The following MGAM2 variants were observed in gnomAD, a reference collection of about 807,000 sequenced individuals.
The protein encoded by MGAM2 is probable maltase-glucoamylase 2.
Under a neutral mutation model 96.1 loss-of-function variants are expected in MGAM2, and 98 were observed. That is an observed-to-expected ratio of 1.02 (90% CI 0.87 to 1.21). MGAM2 has a LOEUF of 1.21. MGAM2 is among the 50% of genes most tolerant of loss of function. The probability of loss-of-function intolerance (pLI) is 0.00; values close to 1 mark genes in which losing one functional copy is unlikely to be tolerated. For missense variants in MGAM2, 2,055 were observed against 1,182.4 expected (o/e 1.74, Z -10.82); for synonymous variants, 749 against 414.8 (o/e 1.81, Z -9.79).
intron 46 of MGAM2, among the ~76,000 whole-genome samples, chr7:142,217,262 A>G (rs1403220523): frequency 6.6e-6 from 1 of 152,154 alleles, no homozygotes; most frequent in East Asian, 1.9e-4. Context: ...TTTCTTGCAC[A>G]CTGTCCTCAG....
chr7:142,158,722 G>A (rs915339407), intron 19 of MGAM2, among the ~76,000 whole-genome samples: 1 of 152,168 alleles, frequency 6.6e-6, no homozygotes, highest in African/African-American at 2.4e-5. Context: ...AGAAAAGGGA[G>A]GGAGAGAGGA....
intron 6 of MGAM2, among the ~76,000 whole-genome samples, chr7:142,132,499 T>A (rs1339425848): frequency 1.5e-5 from 2 of 137,748 alleles, no homozygotes; most frequent in South Asian, 2.1e-4. Flanking sequence ...TAAAATTAAA[T>A]TAAATTATAA....
chr7:142,195,370 TTTTG>T (rs1797001231), intron 37 of MGAM2, among the ~76,000 whole-genome samples: 1 of 144,818 alleles, frequency 6.9e-6, no homozygotes, highest in African/African-American at 2.6e-5. Context: ...TTTTTTTTTT[TTTTG>T]AGACAGAGTC....
chr7:142,161,845 G>A (rs1795896407), intron 22 of MGAM2, 110 bp from the exon 23 acceptor site: 1 of 525,150 alleles, frequency 1.9e-6, no homozygotes, highest in Non-Finnish European at 3.3e-6. Context: ...GAACTCAGAT[G>A]AGCAGAACTA....
intron 31 of MGAM2, among the ~76,000 whole-genome samples, chr7:142,174,701 TTCTC>T (rs981291215): frequency 1.4e-5 from 2 of 140,298 alleles, no homozygotes; most frequent in South Asian, 2.4e-4. Context: ...TGCCCTTTAT[TTCTC>T]TCTCTCTCTC....
At chr7:142,129,562 T>C (rs1283733545) in intron 3 of MGAM2, among the ~76,000 whole-genome samples, 3 of 151,972 alleles carry the variant, frequency 2.0e-5, no homozygotes, top group African/African-American at 7.2e-5. Flanking sequence ...CGGTGGCTCA[T>C]GCCTGTAATC....
chr7:142,142,530 T>G (rs898794883), intron 12 of MGAM2, among the ~76,000 whole-genome samples: 1 of 140,052 alleles, frequency 7.1e-6, no homozygotes, highest in Non-Finnish European at 1.6e-5. Context: ...GTGTGTTTTT[T>G]TTTTTTTTTT....
chr7:142,179,602 A>G (rs1796478191), intron 32 of MGAM2, among the ~76,000 whole-genome samples: 1 of 152,200 alleles, frequency 6.6e-6, no homozygotes, highest in African/African-American at 2.4e-5. Flanking sequence ...TTCTACATCT[A>G]TTGAAATTAT....
intron 3 of MGAM2, among the ~76,000 whole-genome samples, chr7:142,121,048 T>C (rs1794555016): frequency 6.6e-6 from 1 of 152,250 alleles, no homozygotes; most frequent in Non-Finnish European, 1.5e-5. Context: ...TCTTGAGATA[T>C]TAATTAGGAC....
At position 142,167,292 on chromosome 7, in the gene MGAM2, A is replaced by C. The variant is rs1471056265; in HGVS notation, c.2833A>C (p.Thr945Pro). The change falls in exon 26 of 48, where the codon ACC becomes CCC. Residue 945 changes from threonine (T) to proline (P), a missense_variant. Coordinates refer to ENST00000477922, the MANE Select transcript of MGAM2 (RefSeq NM_001293626.2). ...GGACACATCTACTCCTGGAGTGCCC[A>C]CCTGTTACTATGACACCATCCCTAA... ...WEDTSTPGVP[T>P]CYYDTIPNYV... The C allele has an allele frequency of 1.4e-6, 1 of 700,460 alleles. No individual in the cohort carries two copies. Among genetic ancestry groups the C allele is most frequent in the African/African-American group, 1.7e-5 (1 of 57,184 alleles). 43.4% of individuals were successfully genotyped at this position (700,460 alleles called of 1,614,324 possible).
Position 142,197,549 on chromosome 7 carries a change from G to C in MGAM2, c.4781+1G>C. Reference sequence around the variant, plus strand: ...CAGTTGTCCGGCCCCTTCTCCATGAGTGAGTACAGCCTCTTTCCCCAAGCA... The same window carrying C: ...CAGTTGTCCGGCCCCTTCTCCATGACTGAGTACAGCCTCTTTCCCCAAGCA... On this transcript the variant is annotated splice_donor_variant, in intron 41 of 47. Coordinates refer to ENST00000477922, the MANE Select transcript of MGAM2 (RefSeq NM_001293626.2). LOFTEE classifies it high-confidence loss of function. The C allele has an allele frequency of 1.4e-6, 1 of 703,192 alleles. No individual in the cohort carries two copies. The highest frequency in any genetic ancestry group is 2.6e-6 in the Non-Finnish European group (1 of 385,044). 43.6% of individuals were successfully genotyped at this position (703,192 alleles called of 1,614,324 possible). A position where few individuals can be genotyped will look rare whatever the true frequency, so the allele number is the denominator to read the frequency against.
At chr7:142,180,113 A>G (rs9640362) in intron 32 of MGAM2, among the ~76,000 whole-genome samples, 29,659 of 151,998 alleles carry the variant, frequency 0.2, 3,120 homozygotes, top group East Asian at 0.34. Flanking sequence ...GAATTTATTC[A>G]TTTCCTCTAG....
chr7:142,146,973 C>T (rs1221143815), intron 14 of MGAM2, among the ~76,000 whole-genome samples: 1 of 152,126 alleles, frequency 6.6e-6, no homozygotes, highest in African/African-American at 2.4e-5. Flanking sequence ...GGTGATCCAC[C>T]TGCCTCGGCC....
At chr7:142,151,964 T>A (rs1795592310) in intron 15 of MGAM2, among the ~76,000 whole-genome samples, 1 of 152,200 alleles carries the variant, frequency 6.6e-6, no homozygotes, top group African/African-American at 2.4e-5. Flanking sequence ...AATATTTGGC[T>A]CAACCTTAAA....
intron 1 of MGAM2, among the ~76,000 whole-genome samples, chr7:142,112,378 G>A (rs1354380517): frequency 7.2e-5 from 11 of 152,152 alleles, no homozygotes; most frequent in Admixed American, 7.2e-4. Context: ...GAGGAGCTGT[G>A]GAGTAGGTCC....
rs900831024 is a variant in MGAM2 at position 142,177,128 on chromosome 7, T to C, written c.3816+1348T>C. Among the ~76,000 whole-genome samples the C allele has an allele frequency of 5.3e-5, 8 of 152,316 alleles. No individual in the cohort carries two copies. In the East Asian group the frequency reaches 1.5e-3, roughly 29 times the overall value. ...TGTTTTCACGCTGCCAATAAAGACATACTTGAGATTGGGCAATTTACAAAA... is the reference window on the plus strand; with the variant it reads ...TGTTTTCACGCTGCCAATAAAGACACACTTGAGATTGGGCAATTTACAAAA... On this transcript the variant is annotated intron_variant, in intron 32 of 47. Coordinates refer to ENST00000477922, the MANE Select transcript of MGAM2 (RefSeq NM_001293626.2).
Position 142,220,992 on chromosome 7 carries a change from A to G in MGAM2, c.6481A>G (p.Ile2161Val). 1 of 702,310 alleles carries G rather than the reference A, an allele frequency of 1.4e-6. No homozygotes were observed. Among genetic ancestry groups the G allele is most frequent in the Non-Finnish European group, 2.6e-6 (1 of 384,740 alleles). 43.5% of individuals were successfully genotyped at this position (702,310 alleles called of 1,614,324 possible). A position where few individuals can be genotyped will look rare whatever the true frequency, so the allele number is the denominator to read the frequency against. ...NASTSTNVANITATSHTSTDD... is the reference protein window; with the variant it reads ...NASTSTNVANVTATSHTSTDD... ...TAGCACTAGTACTAATGTTGCTAAT[A>G]TAACTGCTACCTCTCATACAAGTAC... Residue 2161 changes from isoleucine to valine, a missense_variant, in exon 48 of 48, where the codon ATA (isoleucine) becomes GTA (valine). Coordinates refer to ENST00000477922, the MANE Select transcript of MGAM2 (RefSeq NM_001293626.2).
intron 1 of MGAM2, among the ~76,000 whole-genome samples, chr7:142,112,783 A>G (rs1817218562): frequency 6.6e-6 from 1 of 152,226 alleles, no homozygotes; most frequent in Admixed American, 6.5e-5. Flanking sequence ...GCTTCAATGC[A>G]GGGATTTTAT....
At chr7:142,125,673 G>C (rs1023075568) in intron 3 of MGAM2, among the ~76,000 whole-genome samples, 1 of 152,110 alleles carries the variant, frequency 6.6e-6, no homozygotes, top group Non-Finnish European at 1.5e-5. Flanking sequence ...TAATTACTTT[G>C]TTTATAATAG....
Sources: allele counts gnomAD v4.1 joint callset (sites outside exome capture counted in the v4.1 genomes callset), GRCh38; gene constraint gnomAD v4.1.1; transcripts MANE v1.5; gene names NCBI Gene and HGNC (gene_info 2026-07-23, HGNC 2026-07-21).